Variants in LNX1 observed in about 807,000 individuals in gnomAD.
LNX1 encodes E3 ubiquitin-protein ligase LNX.
Under a neutral mutation model 68.4 loss-of-function variants are expected in LNX1, and 54 were observed. The observed-to-expected ratio is 0.79, with a 90% confidence interval of 0.63 to 0.99. The LOEUF (loss-of-function observed/expected upper bound fraction) is 0.99. Among genes scored for constraint, LNX1 ranks in the 50% least tolerant of loss-of-function variants. LNX1 has a pLI of 0.00. For synonymous variants in LNX1, 336 were observed against 350.0 expected (o/e 0.96, Z 0.45); for missense variants, 906 against 926.4 (o/e 0.98, Z 0.29).
chr4:53,587,730 G>A (rs1461406880), intron 1 of LNX1, among the ~76,000 whole-genome samples: 1 of 152,186 alleles, frequency 6.6e-6, no homozygotes, highest in Non-Finnish European at 1.5e-5. Flanking sequence ...TTCAAATATA[G>A]AAAGGAAGTC....
intron 2 of LNX1, 60 bp from the exon 3 acceptor site, chr4:53,508,287 C>A: frequency 1.3e-6 from 2 of 1,576,966 alleles, no homozygotes; most frequent in South Asian, 1.2e-5. Context: ...ATTCCTCAGT[C>A]AGCCCTCTTC....
intron 2 of LNX1, among the ~76,000 whole-genome samples, chr4:53,516,937 C>T (rs1475096762): frequency 6.6e-6 from 1 of 152,136 alleles, no homozygotes; most frequent in Admixed American, 6.5e-5. Flanking sequence ...ACTCCCTGAC[C>T]ATCAATCCAA....
intron 2 of LNX1, among the ~76,000 whole-genome samples, chr4:53,548,888 G>A (rs534956731): frequency 6.6e-6 from 1 of 152,300 alleles, no homozygotes; most frequent in South Asian, 2.1e-4. Flanking sequence ...CATGGACGGA[G>A]CTGGAGGCTA....
intron 9 of LNX1, among the ~76,000 whole-genome samples, chr4:53,471,597 C>A (rs1161094881): frequency 6.6e-6 from 1 of 151,910 alleles, no homozygotes; most frequent in East Asian, 1.9e-4. Flanking sequence ...ACTCATCTGA[C>A]AAAGGGCTAA....
At chr4:53,583,923 A>C (rs1350841499) in intron 1 of LNX1, among the ~76,000 whole-genome samples, 2 of 141,276 alleles carry the variant, frequency 1.4e-5, no homozygotes, top group African/African-American at 2.7e-5. Flanking sequence ...AATAGAACTG[A>C]CCCCCTGCAA....
At chr4:53,627,063 C>T (rs10005578) in intron 1 of LNX1, among the ~76,000 whole-genome samples, 57,613 of 152,018 alleles carry the variant, frequency 0.38, 11,964 homozygotes, top group East Asian at 0.58. Flanking sequence ...GCAGGAGTTC[C>T]TCTTGTCCTC....
chr4:53,610,051 C>T (rs1733418076), intron 2 of LNX1, among the ~76,000 whole-genome samples: 1 of 151,640 alleles, frequency 6.6e-6, no homozygotes, highest in Non-Finnish European at 1.5e-5. Flanking sequence ...TACTTTTAAC[C>T]TCTGTGTCAC....
In LNX1 at chr4:53,491,792, C is replaced by CTTTTTTTTTTTTTTT. The variant is rs149789223; in HGVS notation, c.1350+4230_1350+4231insAAAAAAAAAAAAAAA. ...TGCTTTAAGTGCTGAGGATACGATACTTTTTTTTGTTTGTTTGTTTTTTGA... is the reference window on the plus strand; with the variant it reads ...TGCTTTAAGTGCTGAGGATACGATACTTTTTTTTTTTTTTTTTTTTTTTGTTTGTTTGTTTTTTGA... On this transcript the variant is annotated intron_variant, in intron 6 of 10. Coordinates refer to ENST00000263925, the MANE Select transcript of LNX1 (RefSeq NM_001126328.3). 3.2e-5 allele frequency among the ~76,000 whole-genome samples: 2 copies of CTTTTTTTTTTTTTTT among 62,254 alleles called. 1 individual carries two copies. The highest frequency in any genetic ancestry group is 7.3e-5 in the African/African-American group (2 of 27,420). 40.8% of individuals were successfully genotyped at this position (62,254 alleles called of 152,430 possible). A position where few individuals can be genotyped will look rare whatever the true frequency, so the allele number is the denominator to read the frequency against.
At chr4:53,625,137 TA>T (rs1160092598) in intron 1 of LNX1, among the ~76,000 whole-genome samples, 2 of 152,162 alleles carry the variant, frequency 1.3e-5, no homozygotes, top group African/African-American at 4.8e-5. Flanking sequence ...GGAAAAAACA[TA>T]AGAGTAAATC....
intron 2 of LNX1, among the ~76,000 whole-genome samples, chr4:53,523,938 C>A (rs1005223263): frequency 6.6e-6 from 1 of 152,226 alleles, no homozygotes; most frequent in African/African-American, 2.4e-5. Flanking sequence ...TGAGAACTTA[C>A]ATTCAGAAGA....
At chr4:53,645,848 C>G (rs1344040715) in intron 1 of LNX1, among the ~76,000 whole-genome samples, 2 of 152,148 alleles carry the variant, frequency 1.3e-5, no homozygotes, top group East Asian at 3.8e-4. Context: ...GTATGAAATA[C>G]CAGACTCCTG....
chr4:53,540,327 A>C (rs1728663271), intron 2 of LNX1, among the ~76,000 whole-genome samples: 1 of 152,014 alleles, frequency 6.6e-6, no homozygotes, highest in South Asian at 2.1e-4. Flanking sequence ...AGGCTGCAGT[A>C]AGTCATGACT....
At chr4:53,557,343 A>G (rs184908478) in intron 2 of LNX1, among the ~76,000 whole-genome samples, 22 of 152,322 alleles carry the variant, frequency 1.4e-4, no homozygotes, top group East Asian at 7.7e-4. Flanking sequence ...TGGGTGCTCA[A>G]GGCATGTTTC....
chr4:53,483,620 A>C (rs1380289521), intron 6 of LNX1, among the ~76,000 whole-genome samples: 2 of 152,204 alleles, frequency 1.3e-5, no homozygotes, highest in Admixed American at 1.3e-4. Context: ...TTGATTAGAA[A>C]GATTCCCAAG....
intron 2 of LNX1, among the ~76,000 whole-genome samples, chr4:53,607,707 A>G (rs1250995042): frequency 3.9e-5 from 6 of 152,206 alleles, no homozygotes; most frequent in Non-Finnish European, 7.3e-5. Context: ...GCATCATATT[A>G]CCCAACTTCA....
At chr4:53,615,019 C>A (rs1366561653) in intron 2 of LNX1, among the ~76,000 whole-genome samples, 2 of 151,840 alleles carry the variant, frequency 1.3e-5, no homozygotes, top group Admixed American at 6.6e-5. Flanking sequence ...TATATTTTTC[C>A]TTTTCCTTCA....
intron 1 of LNX1, among the ~76,000 whole-genome samples, chr4:53,642,903 T>C (rs1734741415): frequency 6.6e-6 from 1 of 152,188 alleles, no homozygotes; most frequent in Non-Finnish European, 1.5e-5. Context: ...TGGGTGTAAC[T>C]TTAGTCTCCT....
chr4:53,550,120 CAA>C (rs1729402071), intron 2 of LNX1, among the ~76,000 whole-genome samples: 10 of 152,150 alleles, frequency 6.6e-5, no homozygotes, highest in Admixed American at 5.9e-4. Context: ...CTTTGGACAT[CAA>C]AGAATCATTA....
Position 53,459,722 on chromosome 4 carries a change from G to C in LNX1, c.*1185C>G, listed in dbSNP as rs895539096. On this transcript the variant is annotated 3_prime_UTR_variant, in exon 11 of 11. Transcript: ENST00000263925. The stretch of plus-strand genomic sequence containing the variant: ...CTTAACAGGGAATCTAAAGAGCTGT[G>C]TTAGCTGTGTACATACACAGATTAT... 4 of 471,050 alleles carry C rather than the reference G, an allele frequency of 8.5e-6. No individual in the cohort carries two copies. The highest frequency in any genetic ancestry group is 1.5e-5 in the Non-Finnish European group (4 of 259,870). The allele number at this position is 471,050 out of a possible 1,614,324, so 29.2% of individuals were successfully genotyped here. A position where few individuals can be genotyped will look rare whatever the true frequency, so the allele number is the denominator to read the frequency against.
Sources: allele counts gnomAD v4.1 joint callset (sites outside exome capture counted in the v4.1 genomes callset), GRCh38; gene constraint gnomAD v4.1.1; transcripts MANE v1.5; gene names NCBI Gene and HGNC (gene_info 2026-07-23, HGNC 2026-07-21).